UTP20: variants seen among roughly 807,000 people sequenced by gnomAD.
UTP20 encodes small subunit processome component 20 homolog.
In UTP20, 164 loss-of-function variants were observed where a neutral mutation model predicts 329.5. The observed-to-expected ratio is 0.50, with a 90% CI of 0.44 to 0.57. The LOEUF (loss-of-function observed/expected upper bound fraction) is 0.57. Among genes scored for constraint, UTP20 ranks in the 20% least tolerant of loss-of-function variants. UTP20 has a pLI of 0.00. For synonymous variants in UTP20, 1,151 were observed against 1,159.3 expected, an observed-to-expected ratio of 0.99 and a Z score of 0.14; for missense variants, 3,055 against 3,284.2, an observed-to-expected ratio of 0.93 and a Z score of 1.71.
chr12:101,340,132 GC>G (rs1245701583), intron 31 of UTP20, among the ~76,000 whole-genome samples: 7 of 152,072 alleles, frequency 4.6e-5, no homozygotes, highest in African/African-American at 1.4e-4. Context: ...ATATTGCAGG[GC>G]TATCATGGGT....
At chr12:101,325,363 C>T (rs1868519492) in intron 25 of UTP20, among the ~76,000 whole-genome samples, 1 of 152,216 alleles carries the variant, frequency 6.6e-6, no homozygotes, top group Admixed American at 6.5e-5. Context: ...GTTTGAGCCT[C>T]TGCTGCTGGC....
intron 51 of UTP20, 44 bp downstream of exon 51, chr12:101,371,212 C>A (rs757847696): frequency 8.4e-5 from 119 of 1,420,506 alleles, no homozygotes; most frequent in Non-Finnish European, 1.0e-4. Flanking sequence ...CTGGGCCCTG[C>A]CGCATCTTTG....
At chr12:101,356,796 A>AT (rs1869737644) in intron 42 of UTP20, 103 bp downstream of exon 42, 3 of 1,497,278 alleles carry the variant, frequency 2.0e-6, no homozygotes. Context: ...AAGTACTGTC[A>AT]TAACTTGCTG....
intron 57 of UTP20, among the ~76,000 whole-genome samples, chr12:101,379,814 G>A (rs1181055132): frequency 6.6e-6 from 1 of 151,788 alleles, no homozygotes; most frequent in Non-Finnish European, 1.5e-5. Context: ...TCCATTATAT[G>A]TTTAAGTTTT....
chr12:101,299,824 T>C lies in UTP20; in HGVS notation c.1573T>C (p.Leu525=). 2 of 1,604,606 alleles carry C rather than the reference T, an allele frequency of 1.2e-6. No homozygotes were observed. Among genetic ancestry groups the C allele is most frequent in the Non-Finnish European group, 1.7e-6 (2 of 1,177,454 alleles). ...ACAATCTTGGGCAGCCCTCGTGGTG[T>C]TACCTCATATTAGGTAAGAAAATAA... ...LSQSWAALVV[L]PHIRPLEKEK... The change falls in exon 13 of 62, where the codon TTA becomes CTA. Residue 525 remains leucine (L), a synonymous_variant. Coordinates refer to ENST00000261637, the MANE Select transcript of UTP20 (RefSeq NM_014503.3).
chr12:101,355,643 G>A (rs1055744813), intron 41 of UTP20, among the ~76,000 whole-genome samples: 7 of 152,116 alleles, frequency 4.6e-5, no homozygotes, highest in Admixed American at 3.9e-4. Flanking sequence ...GTAGTGTTTA[G>A]TACTGCCTTT....
intron 15 of UTP20, among the ~76,000 whole-genome samples, chr12:101,305,578 T>G (rs1872623890): frequency 6.8e-6 from 1 of 146,796 alleles, no homozygotes; most frequent in African/African-American, 2.5e-5. Flanking sequence ...ATATTTAATA[T>G]TATTTAATAA....
chr12:101,365,072 T>TTGTGTGTGTGTGTGTGTGTGTG (rs60890980), intron 45 of UTP20, among the ~76,000 whole-genome samples: 1 of 142,008 alleles, frequency 7.0e-6, no homozygotes, highest in Admixed American at 7.0e-5. Context: ...ATTTTGTTGA[T>TTGTGTGTGTGTGTGTGTGTGTG]TGTGTGTGTG....
intron 48 of UTP20, 144 bp downstream of exon 48, chr12:101,368,120 T>G: frequency 3.3e-6 from 2 of 607,462 alleles, no homozygotes; most frequent in East Asian, 5.5e-5. Flanking sequence ...TTTTTGGGGT[T>G]TTTGGGTTTT....
intron 43 of UTP20, among the ~76,000 whole-genome samples, chr12:101,358,446 A>G (rs1196129425): frequency 6.6e-6 from 1 of 152,194 alleles, no homozygotes; most frequent in Admixed American, 6.5e-5. Context: ...TTCTACCTAG[A>G]TATTTACTAT....
At chr12:101,316,644 T>C (rs900455369) in intron 21 of UTP20, among the ~76,000 whole-genome samples, 2 of 152,180 alleles carry the variant, frequency 1.3e-5, no homozygotes, top group African/African-American at 4.8e-5. Flanking sequence ...AAACATGTTA[T>C]TTTATCAGTG....
intron 38 of UTP20, among the ~76,000 whole-genome samples, chr12:101,350,053 A>G (rs1232477584): frequency 6.6e-6 from 1 of 152,086 alleles, no homozygotes; most frequent in East Asian, 1.9e-4. Flanking sequence ...TCTTTTAAAA[A>G]TATCTTTCAT....
intron 47 of UTP20, among the ~76,000 whole-genome samples, chr12:101,367,175 C>T (rs1400973611): frequency 6.6e-6 from 1 of 151,932 alleles, no homozygotes; most frequent in Non-Finnish European, 1.5e-5. Context: ...GTCTTAGTTA[C>T]TCAGGAGGCT....
chr12:101,306,143 T>C, intron 16 of UTP20, 78 bp downstream of exon 16: 1 of 1,423,892 alleles, frequency 7.0e-7, no homozygotes, highest in Non-Finnish European at 9.3e-7. Flanking sequence ...TTTCAGAGCA[T>C]CTTAGTTAGA....
In UTP20 at chr12:101,312,256, G is replaced by A. The variant is rs768715409; in HGVS notation, c.2532G>A (p.Pro844=). 1.9e-6 allele frequency: 3 copies of A among 1,613,866 alleles called. No homozygotes were observed. Among genetic ancestry groups the A allele is most frequent in the South Asian group, 2.2e-5 (2 of 91,050 alleles). Residue 844 remains proline (P), a synonymous_variant, in exon 21 of 62, where the codon CCG becomes CCA. Coordinates refer to ENST00000261637, the MANE Select transcript of UTP20 (RefSeq NM_014503.3). ...AGCCACGGTCCAGGGAGCTTTCCCC[G>A]CTTTTCTTGAGATTTATCAAGTAAG... ...RVEPRSRELS[P]LFLRFINNEY... is the part of the protein sequence containing the mutation.
At chr12:101,331,665 G>A (rs1316271677) in intron 27 of UTP20, among the ~76,000 whole-genome samples, 1 of 152,176 alleles carries the variant, frequency 6.6e-6, no homozygotes, top group African/African-American at 2.4e-5. Context: ...TTCATGATAA[G>A]TAATTTTCCT....
intron 46 of UTP20, 101 bp downstream of exon 46, chr12:101,365,726 A>G (rs760687150): frequency 4.1e-6 from 4 of 973,268 alleles, no homozygotes; most frequent in Non-Finnish European, 4.3e-6. Flanking sequence ...ATAAAATTAT[A>G]TCCACCTGAG....
intron 25 of UTP20, chr12:101,326,834 T>C: frequency 3.7e-6 from 1 of 271,712 alleles, no homozygotes; most frequent in Non-Finnish European, 6.9e-6. Context: ...AGTGATCCTC[T>C]GGCCTCAGCC....
intron 12 of UTP20, among the ~76,000 whole-genome samples, chr12:101,299,038 C>T (rs933225515): frequency 6.6e-6 from 1 of 152,040 alleles, no homozygotes; most frequent in Non-Finnish European, 1.5e-5. Context: ...CTTAAGATTT[C>T]TGTGATTTTT....
Sources: gnomAD v4.1 joint callset for allele counts (sites outside exome capture counted in the v4.1 genomes callset) on GRCh38, gnomAD v4.1.1 for gene constraint, MANE v1.5 for transcripts, NCBI Gene and HGNC (gene_info 2026-07-23, HGNC 2026-07-21) for gene names.